NUP214: variants seen among roughly 807,000 people sequenced by gnomAD.
NUP214 encodes the protein nucleoporin 214.
A neutral mutation model predicts 196.2 loss-of-function variants in NUP214; 79 were observed. The ratio of observed to expected loss-of-function variants is 0.40; its 90% CI spans 0.34 to 0.49. NUP214 has a LOEUF of 0.49. NUP214 is among the 20% of genes least tolerant of loss of function. NUP214 has a pLI of 0.58. For missense variants in NUP214, 2,468 were observed against 2,539.0 expected, an observed-to-expected ratio of 0.97 and a Z score of 0.60; for synonymous variants, 1,020 against 990.5, an observed-to-expected ratio of 1.03 and a Z score of -0.56.
At chr9:131,156,740 G>A (rs1256979561) in intron 17 of NUP214, among the ~76,000 whole-genome samples, 1 of 151,988 alleles carries the variant, frequency 6.6e-6, no homozygotes, top group Non-Finnish European at 1.5e-5. Context: ...TGAGTCTTTA[G>A]GGTTTTTTAG....
rs1480024178 is a variant in NUP214, at chr9:131,134,924, A to G, written c.858A>G (p.Ile286Met). 1 of 1,613,822 alleles carries G rather than the reference A, an allele frequency of 6.2e-7. No individual in the cohort carries two copies. Among genetic ancestry groups the G allele is most frequent in the Admixed American group, 1.7e-5 (1 of 60,026 alleles). ...LPKKEEKHPE[I>M]FVNFMEPCYG... Reference sequence around the variant, plus strand: ...AAAAAGAAGAAAAGCACCCAGAGATATTTGTGAACTTTATGGAGCCCTGTT... The same window carrying G: ...AAAAAGAAGAAAAGCACCCAGAGATGTTTGTGAACTTTATGGAGCCCTGTT... The change falls in exon 8 of 36, where the codon ATA becomes ATG. Residue 286 changes from isoleucine to methionine, a missense_variant. By Grantham distance (10) the Ile-to-Met change is conservative. This residue lies in a region of NUP214 where 392 missense variants were observed against 417.9 expected (regional missense o/e 0.94). Transcript: ENST00000359428.
At position 131,189,093 on chromosome 9, in the gene NUP214, C is replaced by T. The variant is rs1157962060; in HGVS notation, c.3536C>T (p.Pro1179Leu). 3 of 1,614,028 alleles carry T rather than the reference C, an allele frequency of 1.9e-6. No individual in the cohort carries two copies. The highest frequency in any genetic ancestry group is 2.2e-5 in the East Asian group (1 of 44,868). Residue 1179 changes from proline (P) to leucine (L), a missense_variant, in exon 26 of 36, where the codon CCA becomes CTA. Coordinates refer to ENST00000359428, the MANE Select transcript of NUP214 (RefSeq NM_005085.4). ...INSLKPSGPT[P>L]ASGQLSSGDK... ...TCCCTTAAGCCATCTGGGCCTACACCAGCATCCGGTCAGTTATCATCTGGT... is the reference window on the plus strand; with the variant it reads ...TCCCTTAAGCCATCTGGGCCTACACTAGCATCCGGTCAGTTATCATCTGGT...
chr9:131,150,644 A>G lies in NUP214; in HGVS notation c.2156A>G (p.Glu719Gly). The change falls in exon 16 of 36, where the codon GAG (glutamate) becomes GGG (glycine). Residue 719 changes from glutamate (E) to glycine (G), a missense_variant. Coordinates refer to ENST00000359428, the MANE Select transcript of NUP214 (RefSeq NM_005085.4). ...GCACACTTTCAGAAGGAGTTGGAAG[A>G]GTTAAAAGCCCGAACTTCCAAAGCC... ...EIAHFQKELE[E>G]LKARTSKACF... The G allele has an allele frequency of 6.2e-7, 1 of 1,613,632 alleles. No individual in the cohort carries two copies. The highest frequency in any genetic ancestry group is 8.5e-7 in the Non-Finnish European group (1 of 1,179,878).
In NUP214 at chr9:131,232,333, CACCTT is replaced by C. The variant is rs746480908; in HGVS notation, c.6239+27_6239+31del. On this transcript the variant is annotated intron_variant, in intron 35 of 35. Transcript: ENST00000359428. The surrounding 1 kb of genome is among the most constrained non-coding windows in gnomAD (Gnocchi z 5.1). ...CGTAAGTATCCCCCTTTTTGAGTCTCACCTTAATTAAAAGCATTAAATAAGGTTGG... is the reference window on the plus strand; with the variant it reads ...CGTAAGTATCCCCCTTTTTGAGTCTCAATTAAAAGCATTAAATAAGGTTGG... 1.9e-6 allele frequency: 3 copies of C among 1,607,268 alleles called. No individual in the cohort carries two copies. Among genetic ancestry groups the C allele is most frequent in the African/African-American group, 2.7e-5 (2 of 74,770 alleles).
intron 30 of NUP214, among the ~76,000 whole-genome samples, chr9:131,210,944 AT>A (rs1834224859): frequency 6.6e-6 from 1 of 152,252 alleles, no homozygotes; most frequent in South Asian, 2.1e-4. Flanking sequence ...ACTATAAAAC[AT>A]TGTTGAAATT....
At chr9:131,132,831 A>T in intron 6 of NUP214, 172 bp downstream of exon 6, 2 of 641,426 alleles carry the variant, frequency 3.1e-6, no homozygotes, top group South Asian at 3.9e-5. Context: ...CCTCTGGGTG[A>T]CATCTGTGTT....
At position 131,125,614 on chromosome 9, in the gene NUP214, G is replaced by A. The variant is rs761934033; in HGVS notation, c.-91G>A. On this transcript the variant is annotated 5_prime_UTR_variant, in exon 1 of 36. Coordinates refer to ENST00000359428, the MANE Select transcript of NUP214 (RefSeq NM_005085.4). This position sits in a 1 kb window ranked among gnomAD's most constrained non-coding sequence, Gnocchi z 4.1. ...GTCAACTGCGCGCCGCTGGCGCTGA[G>A]GGGAGGAAGTTTGCTGTCGAGCGGC... is the stretch of plus-strand genomic sequence containing the variant. 12 of 1,541,122 alleles carry A rather than the reference G, an allele frequency of 7.8e-6. No homozygotes were observed. Among genetic ancestry groups the A allele is most frequent in the Admixed American group, 4.0e-5 (2 of 49,634 alleles).
chr9:131,147,501 C>T lies in NUP214; in HGVS notation c.1957C>T (p.Gln653Ter). The T allele has an allele frequency of 6.2e-7, 1 of 1,613,326 alleles. No homozygotes were observed. The highest frequency in any genetic ancestry group is 1.1e-5 in the South Asian group (1 of 90,948). ...TCTTTTTCAAGCAGGACGATCTGCT[C>T]AGGGCAGTTCAAGCCCAGTGCCCTC... is the stretch of plus-strand genomic sequence containing the variant. Reference protein sequence around the residue: ...VLPSPSGRSAQGSSSPVPSMV... With the variant: ...VLPSPSGRSA Residue 653 changes from glutamine to a stop codon, truncating the protein, a stop_gained, in exon 14 of 36, where the codon CAG (glutamine) becomes TAG (stop). Coordinates refer to ENST00000359428, the MANE Select transcript of NUP214 (RefSeq NM_005085.4). LOFTEE classifies it high-confidence loss of function.
At chr9:131,196,767 T>C (rs1211059791) in intron 28 of NUP214, among the ~76,000 whole-genome samples, 2 of 152,196 alleles carry the variant, frequency 1.3e-5, no homozygotes, top group African/African-American at 4.8e-5. Context: ...AATGATTTTC[T>C]GTGGACTGAC....
At chr9:131,211,144 A>T (rs1340789558) in intron 30 of NUP214, among the ~76,000 whole-genome samples, 1 of 152,202 alleles carries the variant, frequency 6.6e-6, no homozygotes, top group African/African-American at 2.4e-5. Context: ...GGCTGTGTTC[A>T]TGGAGCCTCC....
intron 31 of NUP214, among the ~76,000 whole-genome samples, chr9:131,221,218 G>A (rs1354737704): frequency 6.6e-6 from 1 of 152,188 alleles, no homozygotes; most frequent in East Asian, 1.9e-4. Context: ...ATTATCCTGT[G>A]GTACCGAGTT....
At position 131,223,936 on chromosome 9, in the gene NUP214, G is replaced by A. The variant is rs577487691; in HGVS notation, c.5902+1006G>A. 3.3e-3 allele frequency among the ~76,000 whole-genome samples: 492 copies of A among 149,106 alleles called. 2 individuals are homozygous for A. The highest frequency in any genetic ancestry group is 5.5e-3 in the Non-Finnish European group (372 of 67,140). On this transcript the variant is annotated intron_variant, in intron 32 of 35. Coordinates refer to ENST00000359428, the MANE Select transcript of NUP214 (RefSeq NM_005085.4). ...TTTTTAGTAGAGACGGGGTTTCACCGTGTTAGCCAGGATGGTCTCAATCTC... is the reference window on the plus strand; with the variant it reads ...TTTTTAGTAGAGACGGGGTTTCACCATGTTAGCCAGGATGGTCTCAATCTC...
chr9:131,133,224 G>T lies in NUP214; in HGVS notation c.831+15G>T. On this transcript the variant is annotated intron_variant, in intron 7 of 35. Transcript: ENST00000359428. ...CTCTACTACCGGTATGCCTGTGGAA[G>T]AAATTTCATTGTTTGAGAATTAGAG... The T allele has an allele frequency of 6.9e-7, 1 of 1,445,840 alleles. No individual in the cohort carries two copies. The highest frequency in any genetic ancestry group is 1.3e-5 in the South Asian group (1 of 74,156). The allele number at this position is 1,445,840 out of a possible 1,614,324, so 89.6% of individuals were successfully genotyped here. A position where few individuals can be genotyped will look rare whatever the true frequency, so the allele number is the denominator to read the frequency against.
At chr9:131,159,181 TG>T in intron 17 of NUP214, 1 of 565,774 alleles carries the variant, frequency 1.8e-6, no homozygotes. Flanking sequence ...CCCAGGGTGT[TG>T]GGATTATAGG....
At chr9:131,127,185 C>G (rs1831384400) in intron 1 of NUP214, 1 of 164,526 alleles carries the variant, frequency 6.1e-6, no homozygotes, top group African/African-American at 2.4e-5. Context: ...GAGTTCGAGA[C>G]TAGCCTGGCC....
chr9:131,129,193 G>A, intron 3 of NUP214, 86 bp from the exon 4 acceptor site: 1 of 1,095,634 alleles, frequency 9.1e-7, no homozygotes, highest in Non-Finnish European at 1.4e-6. Context: ...GATACCTTGT[G>A]TATTCAGTAA....
chr9:131,128,648 C>A, intron 3 of NUP214, 165 bp downstream of exon 3: 1 of 548,316 alleles, frequency 1.8e-6, no homozygotes, highest in Non-Finnish European at 3.0e-6. Flanking sequence ...ATCTTTGAGA[C>A]AGAAGGGACT....
rs558516409 is a variant in NUP214, at chr9:131,157,975, G to C, written c.2437-1408G>C. On this transcript the variant is annotated intron_variant, in intron 17 of 35. Transcript: ENST00000359428. ...TTTTTGTATTTTTAGTAGAGATGGG[G>C]TTTCACCATGTTGGCCAGGCTGGTC... 2.0e-5 allele frequency among the ~76,000 whole-genome samples: 3 copies of C among 152,216 alleles called. No homozygotes were observed. In the East Asian group the frequency reaches 5.8e-4, roughly 29 times the overall value.
intron 29 of NUP214, among the ~76,000 whole-genome samples, chr9:131,200,640 C>T (rs1218922776): frequency 6.6e-6 from 1 of 152,082 alleles, no homozygotes; most frequent in Non-Finnish European, 1.5e-5. Context: ...ACCTGGGAGG[C>T]GGAGGTTGCA....
Sources: gnomAD v4.1 joint callset for allele counts (sites outside exome capture counted in the v4.1 genomes callset) on GRCh38, gnomAD v4.1.1 for gene constraint, gnomAD v4.1.1 regional missense constraint, Gnocchi (gnomAD v3.1) non-coding constraint, MANE v1.5 for transcripts, NCBI Gene and HGNC (gene_info 2026-07-23, HGNC 2026-07-21) for gene names.